PRKCQ: variants seen among roughly 807,000 people sequenced by gnomAD.
PRKCQ encodes the protein protein kinase C theta, also known as protein kinase C theta type.
A neutral mutation model predicts 91.2 loss-of-function variants in PRKCQ; 41 were observed. The observed-to-expected ratio is 0.45, with a 90% CI of 0.35 to 0.58. The LOEUF (loss-of-function observed/expected upper bound fraction) is 0.58, where lower values mean the gene tolerates loss of function less well. PRKCQ is among the 20% of genes least tolerant of loss of function. The probability of loss-of-function intolerance (pLI) is 0.00; values close to 1 mark genes in which losing one functional copy is unlikely to be tolerated. For missense variants in PRKCQ, 673 were observed against 896.5 expected (o/e 0.75, Z 3.18); for synonymous variants, 307 against 316.9 (o/e 0.97, Z 0.33).
downstream of PRKCQ, among the ~76,000 whole-genome samples, chr10:6,426,267 C>T (rs992793957): frequency 1.3e-5 from 2 of 152,314 alleles, no homozygotes; most frequent in African/African-American, 4.8e-5. Flanking sequence ...ACAGCATCTT[C>T]ACCTCCATTA....
intron 15 of PRKCQ, among the ~76,000 whole-genome samples, chr10:6,454,581 A>G (rs895719122): frequency 6.6e-6 from 1 of 152,166 alleles, no homozygotes; most frequent in African/African-American, 2.4e-5. Context: ...TTTTCTCTCT[A>G]GAAGACTGGA....
intron 1 of PRKCQ, among the ~76,000 whole-genome samples, chr10:6,570,287 G>A (rs1267331495): frequency 6.6e-6 from 1 of 152,154 alleles, no homozygotes; most frequent in East Asian, 1.9e-4. Flanking sequence ...GGCAGCAAGT[G>A]TAGACAACAA....
downstream of PRKCQ, chr10:6,427,048 G>A (rs542380722): frequency 6.6e-6 from 1 of 152,308 alleles, no homozygotes; most frequent in South Asian, 2.1e-4. Flanking sequence ...TCCCCCAACT[G>A]TAAAACATCA....
At chr10:6,548,803 C>T (rs1840073260) in intron 1 of PRKCQ, among the ~76,000 whole-genome samples, 1 of 151,786 alleles carries the variant, frequency 6.6e-6, no homozygotes, top group South Asian at 2.1e-4. Context: ...TTAATGGGTG[C>T]AGCACACCAA....
At chr10:6,411,630 C>T in the PRKCQ span, among the ~76,000 whole-genome samples, 22 of 152,296 alleles carry the variant, frequency 1.4e-4, no homozygotes, top group Admixed American at 2.6e-4. Context: ...CATTTGTTTC[C>T]GTATTGGCCG....
the PRKCQ span, among the ~76,000 whole-genome samples, chr10:6,396,315 T>C: frequency 6.6e-6 from 1 of 152,204 alleles, no homozygotes; most frequent in Non-Finnish European, 1.5e-5. Context: ...ATTTACCCTT[T>C]TAAAGTATAC....
At chr10:6,503,993 G>T (rs888621488) in intron 4 of PRKCQ, among the ~76,000 whole-genome samples, 1 of 152,058 alleles carries the variant, frequency 6.6e-6, no homozygotes, top group African/African-American at 2.4e-5. Flanking sequence ...GCCCAGGCTG[G>T]TCTCAAACTC....
chr10:6,457,385 T>G lies in PRKCQ; in HGVS notation c.1509-573A>C, dbSNP rs529921863. On this transcript the variant is annotated intron_variant, in intron 14 of 17. Transcript: ENST00000263125. ...TAAAAAACAATTAACCGAACTTTGC[T>G]TCCATGTGATGTCACCTATTGGTCC... 1.2e-4 allele frequency among the ~76,000 whole-genome samples: 19 copies of G among 152,336 alleles called. No homozygotes were observed. The East Asian group carries it at 3.5e-3, about 28-fold the overall frequency.
At chr10:6,543,132 G>C (rs1360716953) in intron 1 of PRKCQ, among the ~76,000 whole-genome samples, 1 of 152,222 alleles carries the variant, frequency 6.6e-6, no homozygotes, top group Admixed American at 6.5e-5. Context: ...AGGGAGGCAA[G>C]GGCTCCTCAC....
intron 14 of PRKCQ, 58 bp from the exon 15 acceptor site, chr10:6,456,870 A>C: frequency 6.3e-7 from 1 of 1,584,902 alleles, no homozygotes; most frequent in South Asian, 1.1e-5. Context: ...GTTAACATAA[A>C]ATTCCATAGG....
At chr10:6,395,054 G>GTTTTTTTTTTTTTTTTTTTTTTTTTT in the PRKCQ span, among the ~76,000 whole-genome samples, 1 of 129,952 alleles carries the variant, frequency 7.7e-6, no homozygotes, top group Non-Finnish European at 1.6e-5. Context: ...GGAAGCTGGA[G>GTTTTTTTTTTTTTTTTTTTTTTTTTT]TCTTTTTTTT....
At chr10:6,566,641 G>T (rs1840845987) in intron 1 of PRKCQ, among the ~76,000 whole-genome samples, 1 of 152,082 alleles carries the variant, frequency 6.6e-6, no homozygotes, top group Non-Finnish European at 1.5e-5. Context: ...TCCTACAAGG[G>T]ACAACCTCAT....
At chr10:6,489,340 C>A in intron 8 of PRKCQ, 1 of 486,372 alleles carries the variant, frequency 2.1e-6, no homozygotes, top group South Asian at 1.5e-5. Flanking sequence ...ACTTGCATGG[C>A]CGCGAAGAAA....
chr10:6,505,905 C>T (rs532999769), intron 4 of PRKCQ, among the ~76,000 whole-genome samples: 13 of 152,244 alleles, frequency 8.5e-5, no homozygotes, highest in Admixed American at 4.6e-4. Flanking sequence ...CTCGGCCTCC[C>T]AAAGTACTGG....
chr10:6,514,009 T>A (rs1317218093), intron 2 of PRKCQ, among the ~76,000 whole-genome samples: 1 of 152,228 alleles, frequency 6.6e-6, no homozygotes, highest in Non-Finnish European at 1.5e-5. Flanking sequence ...TCTGCAAGAA[T>A]AGATGCTCTA....
At chr10:6,514,523 A>G (rs1329283230) in intron 2 of PRKCQ, among the ~76,000 whole-genome samples, 1 of 152,232 alleles carries the variant, frequency 6.6e-6, no homozygotes, top group East Asian at 1.9e-4. Flanking sequence ...AGTGAGTGCA[A>G]AAGTACGTTT....
intron 1 of PRKCQ, among the ~76,000 whole-genome samples, chr10:6,579,834 C>T (rs1226845135): frequency 3.0e-5 from 2 of 67,792 alleles, no homozygotes; most frequent in Non-Finnish European, 5.9e-5. Context: ...TGTTTCCTCA[C>T]GCATTTTTTT....
chr10:6,568,602 G>A (rs1840920816), intron 1 of PRKCQ, among the ~76,000 whole-genome samples: 1 of 151,128 alleles, frequency 6.6e-6, no homozygotes, highest in Non-Finnish European at 1.5e-5. Context: ...GGTTCACGCA[G>A]TTCTCCTGCC....
chr10:6,505,003 C>T (rs919864407), intron 4 of PRKCQ, among the ~76,000 whole-genome samples: 1 of 151,654 alleles, frequency 6.6e-6, no homozygotes, highest in African/African-American at 2.4e-5. Context: ...ATGCCATTCT[C>T]CTGCCTCAGC....
Sources: allele counts gnomAD v4.1 joint callset (sites outside exome capture counted in the v4.1 genomes callset), GRCh38; gene constraint gnomAD v4.1.1; transcripts MANE v1.5; gene names NCBI Gene and HGNC (gene_info 2026-07-23, HGNC 2026-07-21).